The following ADGRL3 variants were observed in gnomAD, a reference collection of about 807,000 sequenced individuals.
The protein encoded by ADGRL3 is adhesion G protein-coupled receptor L3.
In ADGRL3, 62 loss-of-function variants were observed where a neutral mutation model predicts 153.5. The ratio of observed to expected loss-of-function variants is 0.40; its 90% confidence interval spans 0.33 to 0.50. ADGRL3 has a LOEUF of 0.50. ADGRL3 is among the 20% of genes least tolerant of loss of function. The probability of loss-of-function intolerance (pLI) is 0.47; values close to 1 mark genes in which losing one functional copy is unlikely to be tolerated. For missense variants in ADGRL3, 1,641 were observed against 1,859.4 expected, an observed-to-expected ratio of 0.88 and a Z score of 2.16; for synonymous variants, 710 against 672.5, an observed-to-expected ratio of 1.06 and a Z score of -0.86.
chr4:61,333,810 C>T (rs1345454295), intron 1 of ADGRL3, among the ~76,000 whole-genome samples: 1 of 151,856 alleles, frequency 6.6e-6, no homozygotes, highest in Non-Finnish European at 1.5e-5. Context: ...AAGAGGGAGG[C>T]TCACTATGTT....
chr4:61,466,688 A>G (rs1317240639), intron 2 of ADGRL3, among the ~76,000 whole-genome samples: 1 of 152,190 alleles, frequency 6.6e-6, no homozygotes, highest in Non-Finnish European at 1.5e-5. Context: ...TAGGCACTCA[A>G]TAAATATTTG....
rs1722066568 is a variant in ADGRL3 at position 62,031,621 on chromosome 4, A to G, written c.3591+11A>G. The stretch of plus-strand genomic sequence containing the variant: ...GTCCTACAGAAGAAGGTAAGCTAGA[A>G]TTCTTTTTTTAAAATAAAAATGGCA... On this transcript the variant is annotated intron_variant, in intron 23 of 26. Transcript: ENST00000683033. 2 of 1,580,808 alleles carry G rather than the reference A, an allele frequency of 1.3e-6. No individual in the cohort carries two copies. The highest frequency in any genetic ancestry group is 1.7e-6 in the Non-Finnish European group (2 of 1,158,756).
chr4:61,726,470 A>G (rs1027158625), intron 6 of ADGRL3, among the ~76,000 whole-genome samples: 4 of 152,026 alleles, frequency 2.6e-5, no homozygotes, highest in Non-Finnish European at 5.9e-5. Flanking sequence ...AAGTGCTGGG[A>G]TTACAGGCGT....
chr4:61,952,490 A>C (rs1581608007), intron 17 of ADGRL3, among the ~76,000 whole-genome samples: 2 of 152,064 alleles, frequency 1.3e-5, no homozygotes, highest in Non-Finnish European at 2.9e-5. Context: ...AAAAAAAAAA[A>C]AAAACAATTT....
Position 61,628,109 on chromosome 4 carries a change from G to A in ADGRL3, c.473+40669G>A, listed in dbSNP as rs191044377. ...TAGCAGCTAATACTTACATAACATG[G>A]TTATGTGCAAGGCTTGCTATTAATT... On this transcript the variant is annotated intron_variant, in intron 5 of 26. Coordinates refer to ENST00000683033, the MANE Select transcript of ADGRL3 (RefSeq NM_001387552.1). Among the ~76,000 whole-genome samples the A allele has an allele frequency of 5.8e-4, 88 of 152,206 alleles. No individual in the cohort carries two copies. The East Asian group carries it at 8.3e-3, about 14-fold the overall frequency.
intron 9 of ADGRL3, among the ~76,000 whole-genome samples, chr4:61,869,072 AG>A (rs1453561901): frequency 6.6e-6 from 1 of 152,100 alleles, no homozygotes; most frequent in African/African-American, 2.4e-5. Flanking sequence ...CATCCTGAGT[AG>A]CTGGGACTAC....
intron 5 of ADGRL3, among the ~76,000 whole-genome samples, chr4:61,591,701 T>G (rs1050827966): frequency 6.6e-6 from 1 of 152,070 alleles, no homozygotes; most frequent in Non-Finnish European, 1.5e-5. Context: ...ATTTTTTTTC[T>G]ATTTAAAGGA....
chr4:61,782,522 G>A (rs1409429297), intron 8 of ADGRL3, among the ~76,000 whole-genome samples: 3 of 152,022 alleles, frequency 2.0e-5, no homozygotes, highest in African/African-American at 7.2e-5. Context: ...TCAGACAAAT[G>A]GGGAAAATGG....
At chr4:61,904,529 A>G (rs944721527) in intron 11 of ADGRL3, among the ~76,000 whole-genome samples, 2 of 152,174 alleles carry the variant, frequency 1.3e-5, no homozygotes, top group African/African-American at 2.4e-5. Context: ...ATTACTGCAC[A>G]TAAAGAAAAT....
intron 6 of ADGRL3, among the ~76,000 whole-genome samples, chr4:61,707,951 C>G (rs944042080): frequency 1.3e-5 from 2 of 152,064 alleles, no homozygotes; most frequent in African/African-American, 2.4e-5. Flanking sequence ...GGGTCACTCT[C>G]TCTTGCTTTT....
At chr4:61,499,279 A>G (rs2098356749) in intron 3 of ADGRL3, among the ~76,000 whole-genome samples, 1 of 152,222 alleles carries the variant, frequency 6.6e-6, no homozygotes, top group African/African-American at 2.4e-5. Flanking sequence ...TGTTTGTAAA[A>G]GGGGAGTATC....
chr4:61,822,861 G>A (rs1002703295), intron 9 of ADGRL3, among the ~76,000 whole-genome samples: 19 of 152,088 alleles, frequency 1.2e-4, no homozygotes, highest in Admixed American at 9.8e-4. Flanking sequence ...TTCAAAGGGT[G>A]TTAAATAAAG....
intron 13 of ADGRL3, among the ~76,000 whole-genome samples, chr4:61,929,653 C>T (rs2098809060): frequency 2.0e-5 from 3 of 152,168 alleles, no homozygotes; most frequent in African/African-American, 7.2e-5. Flanking sequence ...AGCATCTCCT[C>T]CTTCATAAAG....
At chr4:61,607,613 A>T (rs2099037579) in intron 5 of ADGRL3, among the ~76,000 whole-genome samples, 1 of 151,736 alleles carries the variant, frequency 6.6e-6, no homozygotes, top group Non-Finnish European at 1.5e-5. Context: ...AAACAAACAA[A>T]CAAAATCTTA....
chr4:61,863,227 C>T (rs1006237542), intron 9 of ADGRL3, among the ~76,000 whole-genome samples: 17 of 129,114 alleles, frequency 1.3e-4, no homozygotes, highest in African/African-American at 4.8e-4. Flanking sequence ...GTCTGGGCAT[C>T]ATTCTTTTTT....
chr4:61,747,474 C>T (rs1403680594), intron 8 of ADGRL3, among the ~76,000 whole-genome samples: 1 of 149,858 alleles, frequency 6.7e-6, no homozygotes, highest in African/African-American at 2.5e-5. Context: ...TACTGGCAAA[C>T]CAAATCCAGC....
intron 4 of ADGRL3, among the ~76,000 whole-genome samples, chr4:61,559,825 T>TA (rs397773781): frequency 1.3e-5 from 2 of 152,030 alleles, no homozygotes; most frequent in East Asian, 1.9e-4. Flanking sequence ...CATTTTTTTT[T>TA]AATTCTCGTG....
chr4:62,032,823 G>A (rs1472287754), intron 23 of ADGRL3, among the ~76,000 whole-genome samples: 5 of 151,262 alleles, frequency 3.3e-5, no homozygotes. Flanking sequence ...TGACATGATC[G>A]CAAATACAGA....
intron 8 of ADGRL3, among the ~76,000 whole-genome samples, chr4:61,804,285 T>A (rs980296666): frequency 1.1e-4 from 16 of 152,190 alleles, no homozygotes; most frequent in Non-Finnish European, 8.8e-5. Context: ...GGGGCATATA[T>A]TGATCTCAAT....
Sources: gnomAD v4.1 joint callset for allele counts (sites outside exome capture counted in the v4.1 genomes callset) on GRCh38, gnomAD v4.1.1 for gene constraint, MANE v1.5 for transcripts, NCBI Gene and HGNC (gene_info 2026-07-23, HGNC 2026-07-21) for gene names.